Variants in RPTOR observed in about 807,000 individuals in gnomAD.
RPTOR encodes regulatory-associated protein of mTOR.
Under a neutral mutation model 169.9 loss-of-function variants are expected in RPTOR, and 21 were observed. That is an observed-to-expected ratio of 0.12 (90% confidence interval 0.09 to 0.18). RPTOR has a LOEUF of 0.18. Ranked by LOEUF, RPTOR falls within the 10% of genes least tolerant of loss-of-function variation. The probability of loss-of-function intolerance (pLI) is 1.00; values close to 1 mark genes in which losing one functional copy is unlikely to be tolerated. For synonymous variants in RPTOR, 732 were observed against 753.2 expected (o/e 0.97, Z 0.46); for missense variants, 1,133 against 1,855.9 (o/e 0.61, Z 7.16).
intron 3 of RPTOR, among the ~76,000 whole-genome samples, chr17:80,699,128 C>T (rs2066061574): frequency 7.2e-5 from 11 of 152,214 alleles, no homozygotes; most frequent in Admixed American, 7.2e-4. Context: ...AAAATGCCCT[C>T]AAAATAAAAA....
At chr17:80,723,394 A>G (rs751646063) in intron 4 of RPTOR, among the ~76,000 whole-genome samples, 8 of 151,266 alleles carry the variant, frequency 5.3e-5, no homozygotes, top group Non-Finnish European at 1.2e-4. Flanking sequence ...TCTGTATGAA[A>G]GAATTGTTGC....
chr17:80,829,199 A>G (rs1475739628), intron 9 of RPTOR, among the ~76,000 whole-genome samples: 1 of 152,198 alleles, frequency 6.6e-6, no homozygotes, highest in Non-Finnish European at 1.5e-5. Context: ...ATTCAGAACT[A>G]GAGACACACA....
At chr17:80,684,046 C>T (rs1270887197) in intron 3 of RPTOR, among the ~76,000 whole-genome samples, 1 of 152,198 alleles carries the variant, frequency 6.6e-6, no homozygotes, top group Non-Finnish European at 1.5e-5. Flanking sequence ...CAAACTTTCT[C>T]ACGTGAATTC....
chr17:80,805,718 A>C (rs748655799), intron 7 of RPTOR: 4 of 152,220 alleles, frequency 2.6e-5, no homozygotes, highest in Non-Finnish European at 5.9e-5. Flanking sequence ...CAACATGTTG[A>C]ATAAGAAAAT....
At chr17:80,567,105 G>T (rs1484934234) in intron 1 of RPTOR, among the ~76,000 whole-genome samples, 1 of 151,570 alleles carries the variant, frequency 6.6e-6, no homozygotes, top group East Asian at 2.0e-4. Flanking sequence ...CGAGTAGCTG[G>T]GATTACAGAT....
At chr17:80,901,868 A>C (rs564956036) in intron 20 of RPTOR, among the ~76,000 whole-genome samples, 1 of 149,424 alleles carries the variant, frequency 6.7e-6, no homozygotes, top group African/African-American at 2.5e-5. Context: ...TTACACCCTC[A>C]GTCACGTGTT....
chr17:80,660,036 C>G (rs1420759643), intron 3 of RPTOR, among the ~76,000 whole-genome samples: 1 of 151,864 alleles, frequency 6.6e-6, no homozygotes, highest in African/African-American at 2.4e-5. Context: ...TTTGGGAAGC[C>G]GAGGTGGGCG....
At chr17:80,891,568 C>T (rs907209809) in intron 17 of RPTOR, 152 bp from the exon 18 acceptor site, 20 of 650,190 alleles carry the variant, frequency 3.1e-5, no homozygotes, top group South Asian at 1.5e-4. Flanking sequence ...TCTGCTCTGA[C>T]GGTTCGAAAA....
At chr17:80,623,325 A>G (rs999258214) in intron 1 of RPTOR, among the ~76,000 whole-genome samples, 2 of 152,232 alleles carry the variant, frequency 1.3e-5, no homozygotes, top group Non-Finnish European at 2.9e-5. Flanking sequence ...AATTTAGTAA[A>G]GGAACTAACC....
intron 7 of RPTOR, among the ~76,000 whole-genome samples, chr17:80,809,340 C>T (rs1199767735): frequency 3.9e-5 from 6 of 152,134 alleles, no homozygotes; most frequent in Non-Finnish European, 7.4e-5. Flanking sequence ...TACAGGCGGG[C>T]GCCACCACGC....
intron 13 of RPTOR, among the ~76,000 whole-genome samples, chr17:80,873,195 G>A (rs1239555053): frequency 9.2e-5 from 14 of 152,268 alleles, no homozygotes; most frequent in African/African-American, 2.4e-4. Flanking sequence ...AGAAATGCCC[G>A]GGGCTCTGTG....
rs181727449 is a variant in RPTOR at position 80,849,889 on chromosome 17, G to T, written c.1314+3315G>T. ...GGGGTGCGTTTGCCCTCTGGCTTCG[G>T]CAGCTCGCCCGGAACTCAGTGCTGT... is the stretch of plus-strand genomic sequence containing the variant. On this transcript the variant is annotated intron_variant, in intron 11 of 33. Transcript: ENST00000306801. Among the ~76,000 whole-genome samples, 3 of 152,324 alleles carry T rather than the reference G, an allele frequency of 2.0e-5. No individual in the cohort carries two copies. In the East Asian group the frequency reaches 5.8e-4, roughly 29 times the overall value.
chr17:80,615,818 G>C (rs1428391725), intron 1 of RPTOR, among the ~76,000 whole-genome samples: 2 of 152,088 alleles, frequency 1.3e-5, no homozygotes, highest in East Asian at 3.8e-4. Flanking sequence ...TCATCTTCCT[G>C]AAAATATCCA....
At chr17:80,735,498 A>C (rs2066426910) in intron 5 of RPTOR, among the ~76,000 whole-genome samples, 1 of 152,230 alleles carries the variant, frequency 6.6e-6, no homozygotes, top group Admixed American at 6.5e-5. Context: ...AGGAAGGTGA[A>C]GTCTTAAAGA....
rs770736951 is a variant in RPTOR at position 80,753,625 on chromosome 17, T to TC, written c.655-383dup. On this transcript the variant is annotated intron_variant, in intron 5 of 33. Transcript: ENST00000306801. ...TCCAGCCTGGGCGACAGAGCGAAAC[T>TC]CCGTCTCAAAAAAAAAAAAAAAAAA... 6.5e-3 allele frequency among the ~76,000 whole-genome samples: 461 copies of TC among 70,910 alleles called. 2 individuals are homozygous for TC. The highest frequency in any genetic ancestry group is 9.4e-3 in the Non-Finnish European group (367 of 39,062). The allele number at this position is 70,910 out of a possible 152,430, so 46.5% of individuals were successfully genotyped here.
intron 28 of RPTOR, among the ~76,000 whole-genome samples, chr17:80,956,300 G>A (rs566624255): frequency 6.6e-6 from 1 of 152,202 alleles, no homozygotes; most frequent in Non-Finnish European, 1.5e-5. Flanking sequence ...GATTACTATG[G>A]TGTTCCTTTC....
intron 5 of RPTOR, among the ~76,000 whole-genome samples, chr17:80,753,632 C>CAAAAA (rs35693819): frequency 8.4e-5 from 8 of 94,916 alleles, no homozygotes; most frequent in Non-Finnish European, 9.8e-5. Context: ...AACTCCGTCT[C>CAAAAA]AAAAAAAAAA....
intron 3 of RPTOR, among the ~76,000 whole-genome samples, chr17:80,664,400 C>G (rs955179378): frequency 1.2e-4 from 19 of 152,194 alleles, no homozygotes; most frequent in Admixed American, 4.6e-4. Flanking sequence ...TGTTCCCCCT[C>G]CCACTGAAGT....
rs568311348 is a variant in RPTOR at position 80,674,514 on chromosome 17, C to G, written c.348+30704C>G. Among the ~76,000 whole-genome samples the G allele has an allele frequency of 7.9e-5, 12 of 152,356 alleles. No homozygotes were observed. The South Asian group carries it at 2.3e-3, about 29-fold the overall frequency. Reference sequence around the variant, plus strand: ...GGATACTGGGGAAAACGAACAGCCTCTGGCATAGGCGCCATCCTGGCTGAT... The same window carrying G: ...GGATACTGGGGAAAACGAACAGCCTGTGGCATAGGCGCCATCCTGGCTGAT... On this transcript the variant is annotated intron_variant, in intron 3 of 33. Transcript: ENST00000306801.
Sources: gnomAD v4.1 joint callset for allele counts (sites outside exome capture counted in the v4.1 genomes callset) on GRCh38, gnomAD v4.1.1 for gene constraint, MANE v1.5 for transcripts, NCBI Gene and HGNC (gene_info 2026-07-23, HGNC 2026-07-21) for gene names.